Variants in CDCP1 observed in about 807,000 individuals in gnomAD.
The protein encoded by CDCP1 is CUB domain containing protein 1.
In CDCP1, 29 loss-of-function variants were observed where a neutral mutation model predicts 60.2. The observed-to-expected ratio is 0.48, with a 90% CI of 0.36 to 0.66. The LOEUF is 0.66. CDCP1 is among the 30% of genes least tolerant of loss of function. The pLI, the probability that CDCP1 is intolerant of heterozygous loss-of-function variation, is 0.00. For missense variants in CDCP1, 876 were observed against 1,074.3 expected (o/e 0.82, Z 2.58); for synonymous variants, 387 against 431.1 (o/e 0.90, Z 1.27).
chr3:45,127,278 G>A (rs374307148), intron 1 of CDCP1, among the ~76,000 whole-genome samples: 1 of 152,154 alleles, frequency 6.6e-6, no homozygotes. Context: ...CTTTTGTATT[G>A]TTCTTTTTTG....
At chr3:45,129,801 T>C (rs1699056684) in intron 1 of CDCP1, among the ~76,000 whole-genome samples, 2 of 152,198 alleles carry the variant, frequency 1.3e-5, no homozygotes, top group South Asian at 4.1e-4. Flanking sequence ...AGAGATTAAA[T>C]AGTTGTTCAA....
rs1698246869 is a variant in CDCP1 at position 45,089,062 on chromosome 3, C to T, written c.2073G>A (p.Val691=). Residue 691 remains valine, a synonymous_variant, in exon 8 of 9, where the codon GTG becomes GTA. Coordinates refer to ENST00000296129, the MANE Select transcript of CDCP1 (RefSeq NM_022842.5). The part of the protein sequence containing the change: ...LSALGLIICC[V]KKKKKKTNKG... ...TAAGAGATTCCACCTACTTCTTTTT[C>T]ACACAGCAAATGATGAGCCCGAGGG... 5 of 1,613,704 alleles carry T rather than the reference C, an allele frequency of 3.1e-6. No homozygotes were observed. The East Asian group carries it at 6.7e-5, about 22-fold the overall frequency.
rs777444641 is a variant in CDCP1 at position 45,146,326 on chromosome 3, G to A, written c.-39C>T. ...CTCGGCCTCGGTGGGGAAAACGACG[G>A]TGGGGAGCGGCGGCCCCAGGCGCCC... On this transcript the variant is annotated 5_prime_UTR_variant, in exon 1 of 9. Transcript: ENST00000296129. 1 of 1,515,304 alleles carries A rather than the reference G, an allele frequency of 6.6e-7. No homozygotes were observed. The highest frequency in any genetic ancestry group is 8.8e-7 in the Non-Finnish European group (1 of 1,132,802). The allele number at this position is 1,515,304 out of a possible 1,614,324, so 93.9% of individuals were successfully genotyped here.
At chr3:45,100,710 A>G (rs773651386) in intron 4 of CDCP1, among the ~76,000 whole-genome samples, 2 of 152,244 alleles carry the variant, frequency 1.3e-5, no homozygotes, top group African/African-American at 4.8e-5. Flanking sequence ...TGCTTTAAAA[A>G]TGTTCTAAGA....
At chr3:45,123,797 A>G (rs995162188) in intron 1 of CDCP1, among the ~76,000 whole-genome samples, 2 of 152,274 alleles carry the variant, frequency 1.3e-5, no homozygotes, top group African/African-American at 2.4e-5. Context: ...TTGGTATTTC[A>G]TTGGTCTAAT....
chr3:45,092,448 T>C (rs143032888), intron 6 of CDCP1, among the ~76,000 whole-genome samples: 49 of 152,296 alleles, frequency 3.2e-4, no homozygotes, highest in African/African-American at 7.2e-4. Context: ...TCAGGAGAGA[T>C]AAAACCCACA....
intron 1 of CDCP1, among the ~76,000 whole-genome samples, chr3:45,125,773 C>A (rs1297886639): frequency 6.6e-6 from 1 of 152,194 alleles, no homozygotes; most frequent in East Asian, 1.9e-4. Flanking sequence ...CAGGGCAGTG[C>A]CACTTAAGGA....
intron 1 of CDCP1, among the ~76,000 whole-genome samples, chr3:45,122,840 C>A (rs980324409): frequency 6.6e-6 from 1 of 152,180 alleles, no homozygotes; most frequent in Non-Finnish European, 1.5e-5. Context: ...TAGGGACACA[C>A]TTGGTGCAAA....
chr3:45,090,972 T>A (rs886377211), intron 7 of CDCP1, among the ~76,000 whole-genome samples: 1 of 152,196 alleles, frequency 6.6e-6, no homozygotes, highest in Non-Finnish European at 1.5e-5. Context: ...CAGCCAACGT[T>A]GGAGCAATAA....
At chr3:45,133,317 A>G (rs1439098191) in intron 1 of CDCP1, among the ~76,000 whole-genome samples, 6 of 151,498 alleles carry the variant, frequency 4.0e-5, no homozygotes, top group Non-Finnish European at 8.8e-5. Flanking sequence ...CAGAGAACCC[A>G]CCCGTGCTGT....
At chr3:45,115,504 A>G (rs1440747940) in intron 2 of CDCP1, among the ~76,000 whole-genome samples, 4 of 152,218 alleles carry the variant, frequency 2.6e-5, no homozygotes, top group African/African-American at 9.6e-5. Flanking sequence ...GAACAAAACT[A>G]TTTTGGGCAT....
chr3:45,142,096 G>A (rs1266354139), intron 1 of CDCP1, among the ~76,000 whole-genome samples: 1 of 152,166 alleles, frequency 6.6e-6, no homozygotes, highest in Non-Finnish European at 1.5e-5. Context: ...GCATCCCAAA[G>A]TGTTGGGATT....
chr3:45,112,024 G>T, intron 3 of CDCP1, 59 bp downstream of exon 3: 1 of 1,567,814 alleles, frequency 6.4e-7, no homozygotes, highest in South Asian at 1.2e-5. Context: ...TTCTGACCTA[G>T]AACAATGATG....
At chr3:45,128,582 G>A (rs1047520956) in intron 1 of CDCP1, among the ~76,000 whole-genome samples, 11 of 152,310 alleles carry the variant, frequency 7.2e-5, no homozygotes, top group Admixed American at 2.6e-4. Context: ...AGAACCATGT[G>A]CACGCTTAGT....
At chr3:45,094,260 C>G (rs186046584) in intron 5 of CDCP1, among the ~76,000 whole-genome samples, 82 of 151,702 alleles carry the variant, frequency 5.4e-4, no homozygotes, top group Non-Finnish European at 1.0e-3. Context: ...GAGTCTCACT[C>G]TATTGCCCAG....
In CDCP1 at chr3:45,125,796, T is replaced by A. The variant is rs563481040; in HGVS notation, c.83-7175A>T. Among the ~76,000 whole-genome samples the A allele has an allele frequency of 7.9e-5, 12 of 152,280 alleles. No homozygotes were observed. The South Asian group carries it at 2.5e-3, about 32-fold the overall frequency. ...TGCCACTTAAGGAAGCAAGTATGAG[T>A]GCCTCCTTAAATTCTGCACACCTTA... On this transcript the variant is annotated intron_variant, in intron 1 of 8. Coordinates refer to ENST00000296129, the MANE Select transcript of CDCP1 (RefSeq NM_022842.5).
chr3:45,087,025 A>G (rs1370151775), intron 8 of CDCP1, among the ~76,000 whole-genome samples: 3 of 152,172 alleles, frequency 2.0e-5, no homozygotes. Context: ...GGCCAGGAGG[A>G]TGGGTTCCTA....
rs1014114462 is a variant in CDCP1, at chr3:45,143,977, C to T, written c.82+2229G>A. Among the ~76,000 whole-genome samples the T allele has an allele frequency of 3.3e-5, 5 of 152,214 alleles. No individual in the cohort carries two copies. In the South Asian group the frequency reaches 1.0e-3, roughly 32 times the overall value. On this transcript the variant is annotated intron_variant, in intron 1 of 8. Coordinates refer to ENST00000296129, the MANE Select transcript of CDCP1 (RefSeq NM_022842.5). ...ATATATCATTTGATCTGTCTGCTCA[C>T]ATTTTTGGCAAGAGACAATGGTGGC...
intron 1 of CDCP1, among the ~76,000 whole-genome samples, chr3:45,131,271 TTC>T (rs992444359): frequency 4.1e-4 from 62 of 152,282 alleles, no homozygotes; most frequent in African/African-American, 1.4e-3. Context: ...CTGCAAATAT[TTC>T]TTTTTGCTTT....
Sources: allele counts gnomAD v4.1 joint callset (sites outside exome capture counted in the v4.1 genomes callset), GRCh38; gene constraint gnomAD v4.1.1; transcripts MANE v1.5; gene names NCBI Gene and HGNC (gene_info 2026-07-23, HGNC 2026-07-21).